EYA4: variants seen among roughly 807,000 people sequenced by gnomAD.
EYA4 encodes protein phosphatase EYA4.
Under a neutral mutation model 87.9 loss-of-function variants are expected in EYA4, and 31 were observed. The observed-to-expected ratio is 0.35, with a 90% confidence interval of 0.27 to 0.48. The LOEUF (loss-of-function observed/expected upper bound fraction) is 0.48. Ranked by LOEUF, EYA4 falls within the 20% of genes least tolerant of loss-of-function variation. EYA4 has a pLI of 0.99. For synonymous variants in EYA4, 263 were observed against 270.6 expected, an observed-to-expected ratio of 0.97 and a Z score of 0.28; for missense variants, 678 against 761.4, an observed-to-expected ratio of 0.89 and a Z score of 1.29.
chr6:133,314,144 A>G (rs1780449397), intron 2 of EYA4, among the ~76,000 whole-genome samples: 2 of 152,190 alleles, frequency 1.3e-5, no homozygotes, highest in Admixed American at 1.3e-4. Flanking sequence ...TGGTTAAATC[A>G]TTCATCTGTT....
intron 3 of EYA4, among the ~76,000 whole-genome samples, chr6:133,414,547 A>G (rs1789538182): frequency 1.3e-5 from 2 of 152,204 alleles, no homozygotes; most frequent in Admixed American, 6.5e-5. Flanking sequence ...CATGGATCCA[A>G]TAGAAAGAAG....
intron 2 of EYA4, among the ~76,000 whole-genome samples, chr6:133,356,791 GTATA>G (rs150806047): frequency 2.7e-4 from 31 of 112,874 alleles, no homozygotes; most frequent in African/African-American, 9.5e-4. Context: ...GTGTGTGTGT[GTATA>G]TATATATTTT....
chr6:133,521,355 C>T (rs1433557929), intron 17 of EYA4, among the ~76,000 whole-genome samples: 2 of 147,192 alleles, frequency 1.4e-5, no homozygotes, highest in African/African-American at 5.0e-5. Context: ...CCAAAAAACA[C>T]ATGAAAAAAT....
chr6:133,466,371 G>A (rs1238253961), intron 10 of EYA4, among the ~76,000 whole-genome samples: 1 of 152,036 alleles, frequency 6.6e-6, no homozygotes, highest in Non-Finnish European at 1.5e-5. Flanking sequence ...TCTGTATTTG[G>A]GACCATGGCC....
intron 14 of EYA4, among the ~76,000 whole-genome samples, chr6:133,507,761 T>C (rs954703987): frequency 6.6e-6 from 1 of 152,218 alleles, no homozygotes; most frequent in East Asian, 1.9e-4. Context: ...ACATTTTCTT[T>C]ATCCAGTCTA....
intron 1 of EYA4, among the ~76,000 whole-genome samples, chr6:133,252,987 ACACT>A (rs1393272623): frequency 1.7e-5 from 2 of 118,090 alleles, no homozygotes; most frequent in Non-Finnish European, 3.5e-5. Context: ...ACACACACAC[ACACT>A]CACTCTCTCT....
chr6:133,252,785 G>A (rs1775006601), intron 1 of EYA4, among the ~76,000 whole-genome samples: 1 of 152,050 alleles, frequency 6.6e-6, no homozygotes, highest in South Asian at 2.1e-4. Context: ...ATTAGAAATT[G>A]CAAAGATACT....
intron 11 of EYA4, among the ~76,000 whole-genome samples, chr6:133,473,966 T>C (rs1795502389): frequency 6.6e-6 from 1 of 152,052 alleles, no homozygotes; most frequent in South Asian, 2.1e-4. Flanking sequence ...GGATCTTACT[T>C]TCATTCAAAG....
chr6:133,468,541 A>G lies in EYA4; in HGVS notation c.805-25A>G, dbSNP rs1218922590. On this transcript the variant is annotated intron_variant, in intron 10 of 19. Transcript: ENST00000355286. ...TTAAAGAGTAATTTCTCTTTCAAAC[A>G]CACACATCTCAATTATTGTTTCAGG... The G allele has an allele frequency of 2.5e-6, 4 of 1,576,928 alleles. No homozygotes were observed. In the African/African-American group the frequency reaches 4.1e-5, roughly 16 times the overall value.
At chr6:133,356,929 C>CTT (rs1429634493) in intron 2 of EYA4, among the ~76,000 whole-genome samples, 1 of 151,490 alleles carries the variant, frequency 6.6e-6, no homozygotes, top group Non-Finnish European at 1.5e-5. Flanking sequence ...TAATCTGAGT[C>CTT]TTTTTGAACT....
At chr6:133,441,529 G>A (rs1444188208) in intron 3 of EYA4, among the ~76,000 whole-genome samples, 2 of 152,156 alleles carry the variant, frequency 1.3e-5, no homozygotes, top group African/African-American at 4.8e-5. Context: ...AGAGGGAAAG[G>A]GGTTCTTACC....
At chr6:133,244,803 A>G (rs751457081) in intron 1 of EYA4, among the ~76,000 whole-genome samples, 18 of 152,138 alleles carry the variant, frequency 1.2e-4, no homozygotes, top group Non-Finnish European at 2.4e-4. Context: ...AAATATATTT[A>G]TATGGCTTGA....
Position 133,529,876 on chromosome 6 carries a change from T to C in EYA4, c.*1071T>C. ...TTGCACAGTTTTGAGGTTGAGACTT[T>C]TGATATGTGTAAGTTGCATAGAGGA... On this transcript the variant is annotated 3_prime_UTR_variant, in exon 20 of 20. Coordinates refer to ENST00000355286, the MANE Select transcript of EYA4 (RefSeq NM_004100.5). 1.0e-6 allele frequency: 1 copy of C among 985,406 alleles called. No homozygotes were observed. Among genetic ancestry groups the C allele is most frequent in the East Asian group, 1.1e-4 (1 of 8,808 alleles). The allele number at this position is 985,406 out of a possible 1,614,324, so 61.0% of individuals were successfully genotyped here. A position where few individuals can be genotyped will look rare whatever the true frequency, so the allele number is the denominator to read the frequency against.
intron 2 of EYA4, among the ~76,000 whole-genome samples, chr6:133,351,496 A>C (rs568996266): frequency 3.3e-5 from 5 of 152,106 alleles, no homozygotes; most frequent in Non-Finnish European, 7.4e-5. Context: ...CAGACACCAG[A>C]CACCTTAACC....
chr6:133,468,127 C>T (rs879889608), intron 10 of EYA4, among the ~76,000 whole-genome samples: 1 of 151,992 alleles, frequency 6.6e-6, no homozygotes, highest in Non-Finnish European at 1.5e-5. Context: ...CACAAAAATG[C>T]AGACTGAGGT....
intron 3 of EYA4, among the ~76,000 whole-genome samples, chr6:133,403,042 T>C (rs369125617): frequency 1.3e-5 from 2 of 152,208 alleles, no homozygotes; most frequent in Non-Finnish European, 2.9e-5. Flanking sequence ...GTTATGAGGA[T>C]TAAATTAGCT....
intron 2 of EYA4, among the ~76,000 whole-genome samples, chr6:133,349,944 A>G (rs1196757122): frequency 6.6e-6 from 1 of 152,096 alleles, no homozygotes; most frequent in Non-Finnish European, 1.5e-5. Flanking sequence ...ACATCTATCT[A>G]TTTTAGCAAA....
At chr6:133,327,899 C>T (rs1221504987) in intron 2 of EYA4, among the ~76,000 whole-genome samples, 1 of 152,060 alleles carries the variant, frequency 6.6e-6, no homozygotes, top group Non-Finnish European at 1.5e-5. Context: ...ATAGTATAAG[C>T]GAAATGGAAA....
intron 17 of EYA4, among the ~76,000 whole-genome samples, chr6:133,522,654 A>C (rs140324148): frequency 6.6e-6 from 1 of 152,188 alleles, no homozygotes; most frequent in Non-Finnish European, 1.5e-5. Flanking sequence ...CAGTGTTTGT[A>C]ATTTAAAAAG....
Sources: gnomAD v4.1 joint callset for allele counts (sites outside exome capture counted in the v4.1 genomes callset) on GRCh38, gnomAD v4.1.1 for gene constraint, MANE v1.5 for transcripts, NCBI Gene and HGNC (gene_info 2026-07-23, HGNC 2026-07-21) for gene names.